Variants in DMD observed in about 807,000 individuals in gnomAD.
DMD encodes the protein mutant dystrophin.
In DMD, 63 loss-of-function variants were observed where a neutral mutation model predicts 330.1. The ratio of observed to expected loss-of-function variants is 0.19; its 90% CI spans 0.16 to 0.24. DMD has a LOEUF of 0.24. DMD is among the 10% of genes least tolerant of loss of function. The pLI is 1.00. For missense variants in DMD, 3,344 were observed against 2,684.1 expected (o/e 1.25, Z -5.43); for synonymous variants, 1,223 against 959.8 (o/e 1.27, Z -5.07).
In DMD at chrX:32,346,182, C is replaced by A. The variant is rs922693711; in HGVS notation, c.5449-102G>T. Reference sequence around the variant, plus strand: ...TGTTATTTAAACACACACAAAAATCCAATTTAAAACTTTCATGGAATGCTA... The same window carrying A: ...TGTTATTTAAACACACACAAAAATCAAATTTAAAACTTTCATGGAATGCTA... On this transcript the variant is annotated intron_variant, in intron 38 of 78. Coordinates refer to ENST00000357033, the MANE Select transcript of DMD (RefSeq NM_004006.3). 6 of 902,862 alleles carry A rather than the reference C, an allele frequency of 6.6e-6. No homozygotes were observed. In the African/African-American group the frequency reaches 9.9e-5, roughly 15 times the overall value. The allele number at this position is 902,862 out of a possible 1,213,427, so 74.4% of individuals were successfully genotyped here.
intron 43 of DMD, among the ~76,000 whole-genome samples, chrX:32,237,220 T>C (rs2097191293): frequency 8.9e-6 from 1 of 111,906 alleles, no homozygotes; most frequent in African/African-American, 3.2e-5. Flanking sequence ...TTTTTATGTT[T>C]ATGTACAGTG....
chrX:31,130,877 CTTTATG>C (rs758770498), intron 77 of DMD, among the ~76,000 whole-genome samples: 19 of 112,047 alleles, frequency 1.7e-4, no homozygotes, highest in Non-Finnish European at 2.8e-4. Context: ...TATCTATATA[CTTTATG>C]TTTATGAAGA....
intron 2 of DMD, among the ~76,000 whole-genome samples, chrX:32,887,745 CAAAAAAAAAA>C (rs771100080): frequency 9.3e-4 from 6 of 6,486 alleles, no homozygotes; most frequent in Non-Finnish European, 1.5e-3. Flanking sequence ...AAGACTGTCT[CAAAAAAAAAA>C]AAAAAAAAAA....
At chrX:31,905,711 T>TA (rs1419673791) in intron 47 of DMD, among the ~76,000 whole-genome samples, 1 of 110,778 alleles carries the variant, frequency 9.0e-6, no homozygotes, top group Non-Finnish European at 1.9e-5. Context: ...GAGGAAAAAG[T>TA]AAAAAATTAT....
chrX:33,184,244 C>T (rs2050138186), intron 1 of DMD, among the ~76,000 whole-genome samples: 1 of 111,906 alleles, frequency 8.9e-6, no homozygotes, highest in Non-Finnish European at 1.9e-5. Flanking sequence ...TTTGTCTTCT[C>T]ATAACTGTTT....
At chrX:31,295,212 A>G (rs5972365) in intron 62 of DMD, among the ~76,000 whole-genome samples, 6 of 109,484 alleles carry the variant, frequency 5.5e-5, no homozygotes, top group South Asian at 4.0e-4. Context: ...AGCCAGGATG[A>G]TCTCGATCTC....
intron 1 of DMD, among the ~76,000 whole-genome samples, chrX:33,266,023 T>C: frequency 9.0e-6 from 1 of 111,718 alleles, no homozygotes; most frequent in East Asian, 2.8e-4. Flanking sequence ...GTCTAGAATA[T>C]TGATATTTAC....
At chrX:31,480,855 C>A (rs1258227382) in intron 57 of DMD, among the ~76,000 whole-genome samples, 1 of 111,320 alleles carries the variant, frequency 9.0e-6, no homozygotes, top group Non-Finnish European at 1.9e-5. Context: ...AAGAGTCAGA[C>A]ACGTAAATAA....
intron 67 of DMD, among the ~76,000 whole-genome samples, chrX:31,198,366 G>A (rs932566586): frequency 9.0e-6 from 1 of 111,038 alleles, no homozygotes; most frequent in Admixed American, 9.6e-5. Context: ...CTACAGGTGC[G>A]TGCTACCATG....
intron 44 of DMD, among the ~76,000 whole-genome samples, chrX:32,153,236 C>A (rs770257155): frequency 8.9e-6 from 1 of 111,861 alleles, no homozygotes; most frequent in African/African-American, 3.2e-5. Flanking sequence ...TGTACACAGA[C>A]AATATCTCTG....
chrX:31,592,130 G>A (rs1205485967), intron 55 of DMD, among the ~76,000 whole-genome samples: 2 of 109,420 alleles, frequency 1.8e-5, no homozygotes, highest in East Asian at 5.7e-4. Flanking sequence ...GTCAACCTGA[G>A]TCTTACTAAT....
rs150092363 is a variant in DMD at position 32,500,141 on chromosome X, C to G, written c.2380+1614G>C. On this transcript the variant is annotated intron_variant, in intron 19 of 78. Coordinates refer to ENST00000357033, the MANE Select transcript of DMD (RefSeq NM_004006.3). ...ATGTCTCAAATCACACCCCTACCCCCCAGTGTTCCCTGGTATCTGCCAAAG... is the reference window on the plus strand; with the variant it reads ...ATGTCTCAAATCACACCCCTACCCCGCAGTGTTCCCTGGTATCTGCCAAAG... Among the ~76,000 whole-genome samples, 801 of 110,562 alleles carry G rather than the reference C, an allele frequency of 7.2e-3. 5 individuals are homozygous for G. The highest frequency in any genetic ancestry group is 0.025 in the African/African-American group (758 of 30,418).
At chrX:32,359,682 G>C (rs1348619278) in intron 37 of DMD, among the ~76,000 whole-genome samples, 1 of 111,098 alleles carries the variant, frequency 9.0e-6, no homozygotes, top group Non-Finnish European at 1.9e-5. Flanking sequence ...AAAGATTACT[G>C]AATAGCCAAA....
chrX:32,723,283 T>A (rs2066520071), intron 7 of DMD, among the ~76,000 whole-genome samples: 1 of 111,387 alleles, frequency 9.0e-6, no homozygotes, highest in Non-Finnish European at 1.9e-5. Flanking sequence ...TAAACCCACC[T>A]GGTCACGGTT....
intron 29 of DMD, among the ~76,000 whole-genome samples, chrX:32,414,971 C>G (rs1180102128): frequency 1.8e-5 from 2 of 111,607 alleles, no homozygotes; most frequent in Admixed American, 9.5e-5. Context: ...ATAATCAGAG[C>G]CTCTATTGCA....
chrX:32,861,124 C>T (rs745964284), intron 2 of DMD, among the ~76,000 whole-genome samples: 2 of 111,848 alleles, frequency 1.8e-5, no homozygotes, highest in Non-Finnish European at 3.8e-5. Flanking sequence ...ATAGAAAGAG[C>T]ATGTATCATT....
chrX:32,499,894 G>A (rs185027273), intron 19 of DMD, among the ~76,000 whole-genome samples: 2 of 111,005 alleles, frequency 1.8e-5, no homozygotes, highest in East Asian at 2.8e-4. Context: ...TTTGTTCCTT[G>A]AACGACAAAA....
At chrX:31,638,004 T>C (rs2079513668) in intron 54 of DMD, among the ~76,000 whole-genome samples, 1 of 111,643 alleles carries the variant, frequency 9.0e-6, no homozygotes, top group Non-Finnish European at 1.9e-5. Flanking sequence ...TGGACTATTT[T>C]ACTGGGCAAC....
At chrX:32,624,714 G>A (rs2058233471) in intron 11 of DMD, among the ~76,000 whole-genome samples, 1 of 111,690 alleles carries the variant, frequency 9.0e-6, no homozygotes, top group Non-Finnish European at 1.9e-5. Context: ...GTCACTTTGA[G>A]TTGGCCTTTT....
Sources: gnomAD v4.1 joint callset for allele counts (sites outside exome capture counted in the v4.1 genomes callset) on GRCh38, gnomAD v4.1.1 for gene constraint, MANE v1.5 for transcripts, NCBI Gene and HGNC (gene_info 2026-07-23, HGNC 2026-07-21) for gene names.